The following PPP1R17 variants were observed in gnomAD, a reference collection of about 807,000 sequenced individuals.
PPP1R17 encodes G-substrate.
PPP1R17 carries 12 observed loss-of-function variants against 15.9 expected under a neutral mutation model. The ratio of observed to expected loss-of-function variants is 0.75; its 90% CI spans 0.48 to 1.22. The LOEUF is 1.22. Among genes scored for constraint, PPP1R17 ranks in the 50% most tolerant of loss-of-function variants. The pLI is 0.00. For synonymous variants in PPP1R17, 63 were observed against 64.5 expected (o/e 0.98, Z 0.11); for missense variants, 211 against 187.3 (o/e 1.13, Z -0.74).
chr7:31,690,440 C>A (rs1562692997), intron 1 of PPP1R17, among the ~76,000 whole-genome samples: 1 of 152,162 alleles, frequency 6.6e-6, no homozygotes, highest in Non-Finnish European at 1.5e-5. Context: ...ACTGTGTGGG[C>A]ACCACAAAGA....
chr7:31,695,617 A>G lies in PPP1R17; in HGVS notation c.231A>G (p.Ile77Met), dbSNP rs367575540. ...CGGCGCTGCACATCCCACCTTTCAT[A>G]CCAGGTAATGGACAAAGTCATCTGC... ...DTPALHIPPF[I>M]PGVFSEHLIK... Residue 77 changes from isoleucine (I) to methionine (M), a missense_variant, in exon 3 of 5, where the codon ATA becomes ATG. Ile to Met is a conservative substitution (Grantham distance 10). Coordinates refer to ENST00000342032, the MANE Select transcript of PPP1R17 (RefSeq NM_006658.5). 5.0e-6 allele frequency: 8 copies of G among 1,611,894 alleles called. No homozygotes were observed. In the African/African-American group the frequency reaches 1.1e-4, roughly 22 times the overall value.
intron 4 of PPP1R17, among the ~76,000 whole-genome samples, chr7:31,698,221 A>T (rs558833982): frequency 1.6e-4 from 25 of 152,336 alleles, no homozygotes; most frequent in Admixed American, 2.6e-4. Context: ...AAAATTGAAA[A>T]AACAGCTCAG....
chr7:31,707,270 A>G lies in PPP1R17; in HGVS notation c.455A>G (p.Lys152Arg), dbSNP rs1793107655. 1.2e-6 allele frequency: 2 copies of G among 1,613,716 alleles called. No individual in the cohort carries two copies. ...IVEDDEKDGD[K>R]IAI The stretch of plus-strand genomic sequence containing the variant: ...GAAGATGACGAAAAGGATGGTGACA[A>G]GATAGCTATTTAAAGATAGTTCCCC... The change falls in exon 5 of 5, where the codon AAG becomes AGG. Residue 152 changes from lysine (K) to arginine (R), a missense_variant. Coordinates refer to ENST00000342032, the MANE Select transcript of PPP1R17 (RefSeq NM_006658.5).
chr7:31,691,822 A>C (rs1017927778), intron 1 of PPP1R17, among the ~76,000 whole-genome samples: 9 of 141,648 alleles, frequency 6.4e-5, no homozygotes, highest in African/African-American at 1.3e-4. Context: ...AAAAAAAAAA[A>C]CCAAGCAAAA....
chr7:31,694,370 T>G (rs1000694169), intron 2 of PPP1R17, among the ~76,000 whole-genome samples: 44 of 100,036 alleles, frequency 4.4e-4, no homozygotes, highest in African/African-American at 1.5e-3. Flanking sequence ...CAATTTTAGC[T>G]CTCTCTCTCT....
chr7:31,694,765 G>A (rs963077996), intron 2 of PPP1R17, among the ~76,000 whole-genome samples: 7 of 152,128 alleles, frequency 4.6e-5, no homozygotes, highest in Non-Finnish European at 8.8e-5. Flanking sequence ...TGGGCAGGGC[G>A]TGATCAGATT....
chr7:31,698,139 C>G (rs1436217101), intron 4 of PPP1R17, among the ~76,000 whole-genome samples: 2 of 152,172 alleles, frequency 1.3e-5, no homozygotes, highest in Admixed American at 6.5e-5. Flanking sequence ...AGAAGAAACA[C>G]TCTGGGGAGA....
chr7:31,695,404 AC>A, intron 2 of PPP1R17, 64 bp from the exon 3 acceptor site: 7 of 1,455,868 alleles, frequency 4.8e-6, no homozygotes, highest in Non-Finnish European at 6.5e-6. Flanking sequence ...TAGGAACCAA[AC>A]AGTTTGTGAC....
At position 31,688,751 on chromosome 7, in the gene PPP1R17, T is replaced by A. The variant is rs370388459; in HGVS notation, c.-37+1445T>A. 1.1e-4 allele frequency among the ~76,000 whole-genome samples: 17 copies of A among 152,352 alleles called. No homozygotes were observed. The East Asian group carries it at 3.1e-3, about 28-fold the overall frequency. ...AAGAGGAAGTTACAAGAGTTTAAAATCTGAAATCCTGAAATCCTTTCTCAA... is the reference window on the plus strand; with the variant it reads ...AAGAGGAAGTTACAAGAGTTTAAAAACTGAAATCCTGAAATCCTTTCTCAA... On this transcript the variant is annotated intron_variant, in intron 1 of 4. Coordinates refer to ENST00000342032, the MANE Select transcript of PPP1R17 (RefSeq NM_006658.5).
chr7:31,695,372 C>A, intron 2 of PPP1R17, 97 bp from the exon 3 acceptor site: 1 of 1,141,988 alleles, frequency 8.8e-7, no homozygotes, highest in Non-Finnish European at 1.2e-6. Context: ...CAAATCACCT[C>A]TGTCCTGTCA....
At chr7:31,696,865 T>C (rs928398354) in intron 3 of PPP1R17, 100 bp from the exon 4 acceptor site, 1 of 1,340,730 alleles carries the variant, frequency 7.5e-7, no homozygotes, top group Non-Finnish European at 1.0e-6. Flanking sequence ...GAAAGCTATA[T>C]TGACTGTCTT....
chr7:31,702,050 C>A (rs34180), intron 4 of PPP1R17, among the ~76,000 whole-genome samples: 63,398 of 151,908 alleles, frequency 0.42, 14,417 homozygotes, highest in East Asian at 0.68. Flanking sequence ...AATCATTTTG[C>A]CTTTGTATAA....
Position 31,695,521 on chromosome 7 carries a change from A to G in PPP1R17, c.135A>G (p.Arg45=). Reference sequence around the variant, plus strand: ...ACTGTGATCTCAAAAAGAAGCCTAGAAAGGGAAAAAATGTACAGGCCACCC... The same window carrying G: ...ACTGTGATCTCAAAAAGAAGCCTAGGAAGGGAAAAAATGTACAGGCCACCC... ...IKDCDLKKKP[R]KGKNVQATLN... is the part of the protein sequence containing the mutation. The change falls in exon 3 of 5, where the codon AGA becomes AGG. Residue 45 remains arginine, a synonymous_variant. Coordinates refer to ENST00000342032, the MANE Select transcript of PPP1R17 (RefSeq NM_006658.5). The G allele has an allele frequency of 1.2e-6, 2 of 1,613,732 alleles. No individual in the cohort carries two copies. The highest frequency in any genetic ancestry group is 1.1e-5 in the South Asian group (1 of 91,012).
intron 4 of PPP1R17, among the ~76,000 whole-genome samples, chr7:31,705,149 G>A (rs1191655609): frequency 6.6e-6 from 1 of 152,106 alleles, no homozygotes; most frequent in Non-Finnish European, 1.5e-5. Context: ...CTTTGAGAAG[G>A]GCTGGCTGTG....
intron 1 of PPP1R17, among the ~76,000 whole-genome samples, chr7:31,691,852 A>G (rs1413438292): frequency 6.7e-6 from 1 of 149,626 alleles, no homozygotes; most frequent in Non-Finnish European, 1.5e-5. Flanking sequence ...CAGAAGCCTT[A>G]TTCAATTCGG....
intron 1 of PPP1R17, among the ~76,000 whole-genome samples, chr7:31,691,774 C>A (rs1482927594): frequency 1.9e-5 from 2 of 103,184 alleles, no homozygotes; most frequent in African/African-American, 3.7e-5. Context: ...TTACTTTATA[C>A]AATAGTTGTA....
rs1487055199 is a variant in PPP1R17, at chr7:31,707,478, T to C, written c.*195T>C. The C allele has an allele frequency of 3.6e-6, 2 of 555,480 alleles. No individual in the cohort carries two copies. Among genetic ancestry groups the C allele is most frequent in the Non-Finnish European group, 6.3e-6 (2 of 315,462 alleles). 34.4% of individuals were successfully genotyped at this position (555,480 alleles called of 1,614,324 possible). A position where few individuals can be genotyped will look rare whatever the true frequency, so the allele number is the denominator to read the frequency against. On this transcript the variant is annotated 3_prime_UTR_variant, in exon 5 of 5. Coordinates refer to ENST00000342032, the MANE Select transcript of PPP1R17 (RefSeq NM_006658.5). ...CTCTCTCTTCTTTCTGAGTATGGTT[T>C]CTATTCTGTGTTTTGAATTTTTATT...
At chr7:31,691,420 C>T (rs1792336590) in intron 1 of PPP1R17, among the ~76,000 whole-genome samples, 1 of 152,210 alleles carries the variant, frequency 6.6e-6, no homozygotes, top group Non-Finnish European at 1.5e-5. Flanking sequence ...TCCCCCACCA[C>T]TCTTGCTATA....
In PPP1R17 at chr7:31,698,792, G is replaced by A. The variant is rs189942990; in HGVS notation, c.388+1675G>A. ...ATGGGAGATAGAAATTGCTTCTTTA[G>A]ATTTCCAAGGTGCACAGGAAATCCT... On this transcript the variant is annotated intron_variant, in intron 4 of 4. Coordinates refer to ENST00000342032, the MANE Select transcript of PPP1R17 (RefSeq NM_006658.5). Among the ~76,000 whole-genome samples, 783 of 152,300 alleles carry A rather than the reference G, an allele frequency of 5.1e-3. 21 individuals are homozygous for A. Among genetic ancestry groups the A allele is most frequent in the Admixed American group, 0.047 (713 of 15,282 alleles).
Sources: allele counts gnomAD v4.1 joint callset (sites outside exome capture counted in the v4.1 genomes callset), GRCh38; gene constraint gnomAD v4.1.1; transcripts MANE v1.5; gene names NCBI Gene and HGNC (gene_info 2026-07-23, HGNC 2026-07-21).